The following THBS4 variants were observed in gnomAD, a reference collection of about 807,000 sequenced individuals.
THBS4 encodes thrombospondin 4, also known as thrombospondin-4.
A neutral mutation model predicts 115.7 loss-of-function variants in THBS4; 90 were observed. That is an observed-to-expected ratio of 0.78 (90% CI 0.66 to 0.93). THBS4 has a LOEUF of 0.93. Among genes scored for constraint, THBS4 ranks in the 40% least tolerant of loss-of-function variants. THBS4 has a pLI of 0.00. For missense variants in THBS4, 1,087 were observed against 1,232.7 expected, an observed-to-expected ratio of 0.88 and a Z score of 1.77; for synonymous variants, 460 against 479.3, an observed-to-expected ratio of 0.96 and a Z score of 0.53.
intron 21 of THBS4, 91 bp downstream of exon 21, chr5:80,082,636 G>C: frequency 1.3e-6 from 2 of 1,503,470 alleles, no homozygotes; most frequent in East Asian, 2.3e-5. Context: ...CCCCCCAAAA[G>C]CCCAACGCTC....
At chr5:80,047,881 G>A (rs894492762) in intron 2 of THBS4, among the ~76,000 whole-genome samples, 2 of 151,686 alleles carry the variant, frequency 1.3e-5, no homozygotes, top group Non-Finnish European at 2.9e-5. Context: ...TCCTGACCAC[G>A]TGATCCACCC....
chr5:79,991,359 A>T, exon 1 of THBS4: 1 of 874,826 alleles, frequency 1.1e-6, no homozygotes, highest in Non-Finnish European at 1.7e-6. Context: ...GAGATGAGAG[A>T]AACAACGACT....
intron 2 of THBS4, among the ~76,000 whole-genome samples, chr5:80,027,332 A>G (rs1832496982): frequency 1.3e-5 from 2 of 152,098 alleles, no homozygotes; most frequent in Admixed American, 6.5e-5. Flanking sequence ...CTTTTAGATG[A>G]TATCATGTAA....
At chr5:80,019,185 T>C (rs542915770) in intron 2 of THBS4, among the ~76,000 whole-genome samples, 6 of 152,068 alleles carry the variant, frequency 3.9e-5, no homozygotes, top group Admixed American at 2.0e-4. Context: ...TTAACTTGAA[T>C]CTAATCATGA....
At chr5:80,054,716 C>T (rs965838845) in intron 2 of THBS4, among the ~76,000 whole-genome samples, 1 of 152,070 alleles carries the variant, frequency 6.6e-6, no homozygotes, top group Non-Finnish European at 1.5e-5. Flanking sequence ...TCTCCCACCT[C>T]GGCCTCCCAA....
At chr5:80,055,565 T>G (rs1833394838) in intron 2 of THBS4, among the ~76,000 whole-genome samples, 1 of 141,322 alleles carries the variant, frequency 7.1e-6, no homozygotes. Flanking sequence ...CAAAACATTC[T>G]CAGGAGAAGA....
chr5:80,011,484 A>G (rs1305832516), intron 2 of THBS4, among the ~76,000 whole-genome samples: 2 of 152,192 alleles, frequency 1.3e-5, no homozygotes, highest in Non-Finnish European at 2.9e-5. Flanking sequence ...GGGAGCAATC[A>G]CAAGAGGGAA....
At chr5:80,030,108 A>G (rs1386118688) in intron 2 of THBS4, among the ~76,000 whole-genome samples, 2 of 152,208 alleles carry the variant, frequency 1.3e-5, no homozygotes, top group Non-Finnish European at 2.9e-5. Flanking sequence ...TTTATTATTA[A>G]TAGTAAACTA....
intron 2 of THBS4, among the ~76,000 whole-genome samples, chr5:80,048,632 A>ATGTG (rs56183875): frequency 0.18 from 26,807 of 147,204 alleles, 2,471 homozygotes; most frequent in South Asian, 0.24. Flanking sequence ...CACTAGATAG[A>ATGTG]TGTGTGTGTG....
chr5:80,040,099 C>T lies in THBS4; in HGVS notation c.111C>T (p.Ser37=). Residue 37 remains serine (S), a synonymous_variant, in exon 2 of 22, where the codon TCC becomes TCT. Coordinates refer to ENST00000350881, the MANE Select transcript of THBS4 (RefSeq NM_003248.6). ...TPQVFDLLPS[S]SQRLNPGALL... ...CAGTCTTTGACCTTCTCCCATCTTCCAGTCAGAGGCTAAACCCAGGCGCTC... is the reference window on the plus strand; with the variant it reads ...CAGTCTTTGACCTTCTCCCATCTTCTAGTCAGAGGCTAAACCCAGGCGCTC... 1 of 1,614,068 alleles carries T rather than the reference C, an allele frequency of 6.2e-7. No homozygotes were observed. The highest frequency in any genetic ancestry group is 2.2e-5 in the East Asian group (1 of 44,876).
At chr5:79,995,981 A>T (rs1831784535) in intron 1 of THBS4, among the ~76,000 whole-genome samples, 2 of 151,232 alleles carry the variant, frequency 1.3e-5, no homozygotes, top group South Asian at 4.2e-4. Context: ...CTAAAAAAAA[A>T]AAAAAATTAG....
At chr5:80,065,122 A>T (rs1033777965) in intron 8 of THBS4, among the ~76,000 whole-genome samples, 4 of 152,186 alleles carry the variant, frequency 2.6e-5, no homozygotes, top group Non-Finnish European at 2.9e-5. Context: ...GATTAAAAAA[A>T]AAAATAAAAC....
At chr5:80,030,368 T>A (rs935395133), upstream of THBS4, among the ~76,000 whole-genome samples, 3 of 151,992 alleles carry the variant, frequency 2.0e-5, no homozygotes, top group Non-Finnish European at 4.4e-5. Context: ...GCTAACTAAT[T>A]TTTTAATTTT....
At chr5:80,023,458 G>A (rs988850493) in intron 2 of THBS4, among the ~76,000 whole-genome samples, 6 of 152,066 alleles carry the variant, frequency 3.9e-5, no homozygotes, top group African/African-American at 1.4e-4. Context: ...TTTACAAGAG[G>A]GTTAGGTGCC....
At chr5:80,047,222 G>A (rs1833095880) in intron 2 of THBS4, among the ~76,000 whole-genome samples, 1 of 152,178 alleles carries the variant, frequency 6.6e-6, no homozygotes, top group Non-Finnish European at 1.5e-5. Flanking sequence ...CATATGGCCA[G>A]GTTAAAGAAG....
At position 80,080,449 on chromosome 5, in the gene THBS4, C is replaced by T. The variant is rs1003701384; in HGVS notation, c.2684+372C>T. Among the ~76,000 whole-genome samples the T allele has an allele frequency of 3.9e-5, 6 of 152,018 alleles. No individual in the cohort carries two copies. In the South Asian group the frequency reaches 1.0e-3, roughly 26 times the overall value. ...TGTGGCAGGGTCTCTTCTCCACACCCTCCCCTGTGGCACCTCTGGGCCCTG... is the reference window on the plus strand; with the variant it reads ...TGTGGCAGGGTCTCTTCTCCACACCTTCCCCTGTGGCACCTCTGGGCCCTG... On this transcript the variant is annotated intron_variant, in intron 20 of 21. Transcript: ENST00000350881.
At chr5:80,025,594 C>T (rs1436091685) in intron 2 of THBS4, among the ~76,000 whole-genome samples, 1 of 152,152 alleles carries the variant, frequency 6.6e-6, no homozygotes, top group Non-Finnish European at 1.5e-5. Flanking sequence ...AGGGGAACAT[C>T]AAGGAAAGAA....
chr5:79,993,271 T>C (rs75676285), intron 1 of THBS4, among the ~76,000 whole-genome samples: 28,021 of 152,190 alleles, frequency 0.18, 3,127 homozygotes, highest in African/African-American at 0.31. Flanking sequence ...TATTAGTGCA[T>C]AGATAATAGC....
intron 1 of THBS4, among the ~76,000 whole-genome samples, chr5:79,996,548 G>A (rs368795335): frequency 4.6e-5 from 7 of 152,244 alleles, no homozygotes; most frequent in Admixed American, 2.6e-4. Flanking sequence ...CCATCCTGAC[G>A]TCTAGCTAAA....
Sources: allele counts gnomAD v4.1 joint callset (sites outside exome capture counted in the v4.1 genomes callset), GRCh38; gene constraint gnomAD v4.1.1; transcripts MANE v1.5; gene names NCBI Gene and HGNC (gene_info 2026-07-23, HGNC 2026-07-21).